UGP2: variants seen among roughly 807,000 people sequenced by gnomAD.
The protein encoded by UGP2 is UDP-glucose pyrophosphorylase 2.
A neutral mutation model predicts 49.0 loss-of-function variants in UGP2; 40 were observed. The observed-to-expected ratio is 0.82, with a 90% CI of 0.63 to 1.06. The LOEUF is 1.06. Ranked by LOEUF, UGP2 falls within the 50% of genes least tolerant of loss-of-function variation. The pLI is 0.00. For synonymous variants in UGP2, 225 were observed against 213.0 expected (o/e 1.06, Z -0.49); for missense variants, 460 against 603.5 (o/e 0.76, Z 2.49).
chr2:63,855,250 T>TTA (rs1437996397), intron 1 of UGP2, among the ~76,000 whole-genome samples: 1 of 152,144 alleles, frequency 6.6e-6, no homozygotes, highest in African/African-American at 2.4e-5. Flanking sequence ...GAAAGAGTTT[T>TTA]TAGCCTTACT....
At chr2:63,849,544 A>G (rs932887758) in intron 1 of UGP2, among the ~76,000 whole-genome samples, 71 of 152,356 alleles carry the variant, frequency 4.7e-4, no homozygotes, top group African/African-American at 1.3e-3. Flanking sequence ...TTCATTGCTT[A>G]GACAACACAG....
intron 3 of UGP2, among the ~76,000 whole-genome samples, chr2:63,869,974 GTGC>G (rs1670440365): frequency 6.7e-6 from 1 of 148,418 alleles, no homozygotes; most frequent in African/African-American, 2.5e-5. Context: ...CCAGGCTGGA[GTGC>G]AGTGGCGCAA....
chr2:63,869,601 CTT>C (rs911496691), intron 3 of UGP2, among the ~76,000 whole-genome samples: 21 of 152,152 alleles, frequency 1.4e-4, no homozygotes, highest in African/African-American at 4.8e-4. Context: ...AAATGAGTGA[CTT>C]TTATGATTCT....
At position 63,863,916 on chromosome 2, in the gene UGP2, G is replaced by A. The variant is rs137980646; in HGVS notation, c.255+5980G>A. Among the ~76,000 whole-genome samples, 980 of 152,322 alleles carry A rather than the reference G, an allele frequency of 6.4e-3. 10 individuals carry two copies. Among genetic ancestry groups the A allele is most frequent in the African/African-American group, 0.023 (945 of 41,560 alleles). On this transcript the variant is annotated intron_variant, in intron 3 of 9. Coordinates refer to ENST00000337130, the MANE Select transcript of UGP2 (RefSeq NM_006759.4). ...CATTAAATACAGATTTCTATTTATAGATGGGCTTATTTAAGACAAGTGTCT... is the reference window on the plus strand; with the variant it reads ...CATTAAATACAGATTTCTATTTATAAATGGGCTTATTTAAGACAAGTGTCT...
chr2:63,857,877 T>C lies in UGP2; in HGVS notation c.196T>C (p.Leu66=). The part of the protein sequence containing the change: ...DGFRKLFHRF[L]QEKGPSVDWG... Reference sequence around the variant, plus strand: ...ATTTCGGAAGCTATTTCATAGATTTTTGCAAGAAAAGGGGCCTTCTGTGGA... The same window carrying C: ...ATTTCGGAAGCTATTTCATAGATTTCTGCAAGAAAAGGGGCCTTCTGTGGA... Residue 66 remains leucine (L), a synonymous_variant, in exon 3 of 10, where the codon TTG becomes CTG. Transcript: ENST00000337130. 6.2e-7 allele frequency: 1 copy of C among 1,614,102 alleles called. No homozygotes were observed.
chr2:63,851,986 CT>C (rs1040420686), intron 1 of UGP2, among the ~76,000 whole-genome samples: 1 of 152,078 alleles, frequency 6.6e-6, no homozygotes, highest in Non-Finnish European at 1.5e-5. Flanking sequence ...TCATGTATGT[CT>C]TTTTTCAGTG....
chr2:63,848,252 A>G (rs1353589984), intron 1 of UGP2, among the ~76,000 whole-genome samples: 3 of 152,194 alleles, frequency 2.0e-5, no homozygotes, highest in African/African-American at 4.8e-5. Context: ...TCTAAATATC[A>G]TATTTTGAAC....
At chr2:63,886,659 T>C in intron 7 of UGP2, 121 bp downstream of exon 7, 2 of 1,123,024 alleles carry the variant, frequency 1.8e-6, no homozygotes, top group South Asian at 3.1e-5. Flanking sequence ...CTTTTGCCTT[T>C]TCAGACTCTA....
At chr2:63,886,754 T>C (rs892220019) in intron 7 of UGP2, among the ~76,000 whole-genome samples, 1 of 152,152 alleles carries the variant, frequency 6.6e-6, no homozygotes, top group African/African-American at 2.4e-5. Context: ...TGGGTTGTGG[T>C]AGTGGCAAAA....
chr2:63,856,069 T>A (rs1483896636), intron 1 of UGP2: 3 of 391,628 alleles, frequency 7.7e-6, no homozygotes, highest in Non-Finnish European at 1.4e-5. Context: ...TACAGGGAAG[T>A]AGAGGCACCT....
chr2:63,890,062 G>C lies in UGP2; in HGVS notation c.1315-19G>C, dbSNP rs779335295. 6.4e-7 allele frequency: 1 copy of C among 1,570,422 alleles called. No individual in the cohort carries two copies. Among genetic ancestry groups the C allele is most frequent in the Non-Finnish European group, 8.7e-7 (1 of 1,153,356 alleles). On this transcript the variant is annotated intron_variant, in intron 8 of 9. Transcript: ENST00000337130. Reference sequence around the variant, plus strand: ...GAACCCATTTGAGACAAATTTTTATGTTTCTCCTTTTCTGTAAGGTTCAAG... The same window carrying C: ...GAACCCATTTGAGACAAATTTTTATCTTTCTCCTTTTCTGTAAGGTTCAAG...
chr2:63,855,317 A>G (rs1045330766), intron 1 of UGP2: 4 of 388,022 alleles, frequency 1.0e-5, no homozygotes, highest in Non-Finnish European at 2.0e-5. Context: ...TTATCAAACT[A>G]TTTGAATAGA....
At chr2:63,876,590 T>C (rs1391859528) in intron 3 of UGP2, among the ~76,000 whole-genome samples, 1 of 152,228 alleles carries the variant, frequency 6.6e-6, no homozygotes, top group African/African-American at 2.4e-5. Flanking sequence ...AAGGGTTAGA[T>C]ATAGCAAGAC....
intron 3 of UGP2, among the ~76,000 whole-genome samples, chr2:63,858,539 A>G (rs1669607061): frequency 1.3e-5 from 2 of 151,986 alleles, no homozygotes; most frequent in Non-Finnish European, 2.9e-5. Context: ...AAAAAAAGCT[A>G]AAAAATAAAA....
At chr2:63,859,702 G>T (rs1405163319) in intron 3 of UGP2, among the ~76,000 whole-genome samples, 1 of 152,156 alleles carries the variant, frequency 6.6e-6, no homozygotes, top group Non-Finnish European at 1.5e-5. Flanking sequence ...ATAAATTCTA[G>T]ATGTAACATG....
intron 1 of UGP2, among the ~76,000 whole-genome samples, chr2:63,852,643 G>C (rs1199902455): frequency 6.6e-6 from 1 of 152,214 alleles, no homozygotes; most frequent in African/African-American, 2.4e-5. Context: ...TATTAGATTA[G>C]AGTGATGGGC....
At chr2:63,850,716 C>G (rs1480154897) in intron 1 of UGP2, among the ~76,000 whole-genome samples, 1 of 152,112 alleles carries the variant, frequency 6.6e-6, no homozygotes, top group Admixed American at 6.6e-5. Flanking sequence ...GCTTGAGAAG[C>G]CTTAGGGACT....
intron 3 of UGP2, among the ~76,000 whole-genome samples, chr2:63,865,354 A>G (rs1393679320): frequency 6.6e-6 from 1 of 152,200 alleles, no homozygotes; most frequent in Non-Finnish European, 1.5e-5. Flanking sequence ...TAACACAGGC[A>G]TGCAATAGCA....
intron 3 of UGP2, among the ~76,000 whole-genome samples, chr2:63,869,923 T>C (rs59181401): frequency 0.14 from 13,980 of 98,536 alleles, 1,085 homozygotes; most frequent in African/African-American, 0.26. Context: ...TTAAAATTAA[T>C]TTTTTTTTTT....
Sources: gnomAD v4.1 joint callset for allele counts (sites outside exome capture counted in the v4.1 genomes callset) on GRCh38, gnomAD v4.1.1 for gene constraint, MANE v1.5 for transcripts, NCBI Gene and HGNC (gene_info 2026-07-23, HGNC 2026-07-21) for gene names.